The following SMCO2 variants were observed in gnomAD, a reference collection of about 807,000 sequenced individuals.
SMCO2 encodes the protein single-pass membrane and coiled-coil domain-containing protein 2.
Under a neutral mutation model 29.5 loss-of-function variants are expected in SMCO2, and 25 were observed. That is an observed-to-expected ratio of 0.85 (90% confidence interval 0.62 to 1.18). The LOEUF (loss-of-function observed/expected upper bound fraction) is 1.18. Among genes scored for constraint, SMCO2 ranks in the 50% most tolerant of loss-of-function variants. The pLI is 0.00. For synonymous variants in SMCO2, 117 were observed against 123.3 expected, an observed-to-expected ratio of 0.95 and a Z score of 0.34; for missense variants, 348 against 344.5, an observed-to-expected ratio of 1.01 and a Z score of -0.08.
chr12:27,483,722 T>G (rs1949664570), intron 4 of SMCO2, among the ~76,000 whole-genome samples: 2 of 152,092 alleles, frequency 1.3e-5, no homozygotes, highest in Non-Finnish European at 2.9e-5. Flanking sequence ...GTTATGCCCA[T>G]CCTTTTTCAT....
intron 7 of SMCO2, chr12:27,497,229 A>G (rs1943017642): frequency 6.5e-6 from 1 of 152,756 alleles, no homozygotes; most frequent in African/African-American, 2.5e-5. Context: ...AAAAATCCAG[A>G]TATTATAAAA....
the SMCO2 span, among the ~76,000 whole-genome samples, chr12:27,448,465 A>T: frequency 6.6e-6 from 1 of 152,176 alleles, no homozygotes; most frequent in Non-Finnish European, 1.5e-5. Context: ...TTTTCCCCCA[A>T]CTGCATAAAA....
At chr12:27,491,874 C>A (rs903926375) in intron 5 of SMCO2, among the ~76,000 whole-genome samples, 1 of 151,568 alleles carries the variant, frequency 6.6e-6, no homozygotes, top group African/African-American at 2.4e-5. Context: ...TGGCTAATTT[C>A]TTTTTTTGTA....
At chr12:27,471,354 A>G (rs544629077) in intron 2 of SMCO2, among the ~76,000 whole-genome samples, 1 of 152,290 alleles carries the variant, frequency 6.6e-6, no homozygotes, top group East Asian at 1.9e-4. Context: ...TATAAGCAAT[A>G]TTTATTCATT....
chr12:27,425,798 A>G, the SMCO2 span, among the ~76,000 whole-genome samples: 34 of 152,308 alleles, frequency 2.2e-4, no homozygotes, highest in African/African-American at 7.7e-4. Context: ...CTAGAGAGTC[A>G]ACCATCATGA....
chr12:27,472,072 T>G (rs2135546137), intron 2 of SMCO2, among the ~76,000 whole-genome samples: 1 of 152,290 alleles, frequency 6.6e-6, no homozygotes. Flanking sequence ...GGAAAATTAT[T>G]TTACAGCCCC....
chr12:27,485,348 A>G (rs942463754), intron 4 of SMCO2, among the ~76,000 whole-genome samples: 1 of 151,256 alleles, frequency 6.6e-6, no homozygotes, highest in African/African-American at 2.4e-5. Flanking sequence ...GTTTTTCTCT[A>G]CCTTCTTGGA....
At chr12:27,496,961 A>T (rs1364759899) in intron 7 of SMCO2, 2 of 152,102 alleles carry the variant, frequency 1.3e-5, no homozygotes, top group Non-Finnish European at 2.9e-5. Context: ...AGGCCACCTC[A>T]TGTTGACCAT....
chr12:27,466,328 C>A (rs1949498249), upstream of SMCO2, among the ~76,000 whole-genome samples: 1 of 152,180 alleles, frequency 6.6e-6, no homozygotes, highest in African/African-American at 2.4e-5. Context: ...AGGAGAATCA[C>A]TTGAACCCTG....
chr12:27,485,677 C>T (rs762490054), intron 4 of SMCO2, among the ~76,000 whole-genome samples: 1 of 152,044 alleles, frequency 6.6e-6, no homozygotes, highest in African/African-American at 2.4e-5. Context: ...GAACTCCTGA[C>T]CTCAGGCAAT....
chr12:27,472,788 A>G, exon 3 of SMCO2: 3 of 1,550,558 alleles, frequency 1.9e-6, no homozygotes, highest in African/African-American at 1.4e-5. Flanking sequence ...TGCTAAAGGA[A>G]ATTATCAAAG....
At position 27,468,037 on chromosome 12, in the gene SMCO2, T is replaced by C. The variant is rs572854880; in HGVS notation, c.-11+1062T>C. Among the ~76,000 whole-genome samples, 304 of 152,346 alleles carry C rather than the reference T, an allele frequency of 2.0e-3. 1 individual carries two copies. Among genetic ancestry groups the C allele is most frequent in the African/African-American group, 7.1e-3 (295 of 41,584 alleles). On this transcript the variant is annotated intron_variant, in intron 1 of 7. Coordinates refer to ENST00000298876, the Ensembl canonical transcript of SMCO2. ...AGTGTCTGCTATTTACCTGATGCCATGTTAAGCACAATTTTACTCCTCACA... is the reference window on the plus strand; with the variant it reads ...AGTGTCTGCTATTTACCTGATGCCACGTTAAGCACAATTTTACTCCTCACA...
intron 1 of SMCO2, among the ~76,000 whole-genome samples, chr12:27,469,739 A>G (rs534029320): frequency 6.6e-6 from 1 of 152,154 alleles, no homozygotes; most frequent in South Asian, 2.1e-4. Context: ...TCCTTTCCCT[A>G]CAGCTTTTTC....
the SMCO2 span, among the ~76,000 whole-genome samples, chr12:27,458,605 G>T: frequency 6.6e-6 from 1 of 152,130 alleles, no homozygotes; most frequent in Admixed American, 6.5e-5. Flanking sequence ...AAAATTCCCG[G>T]CCTGGCACAG....
chr12:27,474,709 T>C (rs1431946845), intron 3 of SMCO2, 77 bp from the exon 4 acceptor site: 13 of 1,509,148 alleles, frequency 8.6e-6, no homozygotes, highest in Non-Finnish European at 1.2e-5. Flanking sequence ...CAAAGGGGGA[T>C]TGGGTAGGGC....
intron 6 of SMCO2, 32 bp from the exon 8 acceptor site, chr12:27,495,648 T>A: frequency 7.0e-7 from 1 of 1,430,128 alleles, no homozygotes; most frequent in Non-Finnish European, 9.3e-7. Context: ...TTTAGAATTT[T>A]TTTAAGGTAC....
At chr12:27,475,051 G>A in intron 4 of SMCO2, 138 bp downstream of exon 4, 1 of 979,558 alleles carries the variant, frequency 1.0e-6, no homozygotes, top group Non-Finnish European at 1.5e-6. Context: ...CCTGTGCATA[G>A]GTAACTACCT....
intron 4 of SMCO2, among the ~76,000 whole-genome samples, chr12:27,479,371 C>T (rs1949620592): frequency 6.6e-6 from 1 of 151,516 alleles, no homozygotes; most frequent in Non-Finnish European, 1.5e-5. Context: ...CAGGATGGTG[C>T]TCAGGTGGGC....
the SMCO2 span, among the ~76,000 whole-genome samples, chr12:27,427,113 A>G: frequency 6.6e-6 from 1 of 152,234 alleles, no homozygotes; most frequent in Non-Finnish European, 1.5e-5. Flanking sequence ...AGGGATGTGC[A>G]AAGTGCTAAT....
Sources: allele counts gnomAD v4.1 joint callset (sites outside exome capture counted in the v4.1 genomes callset), GRCh38; gene constraint gnomAD v4.1.1; transcripts MANE v1.5; gene names NCBI Gene and HGNC (gene_info 2026-07-23, HGNC 2026-07-21).